Variants in TNS2 observed in about 807,000 individuals in gnomAD.
TNS2 encodes tensin-2.
A neutral mutation model predicts 155.7 loss-of-function variants in TNS2; 77 were observed. The ratio of observed to expected loss-of-function variants is 0.49; its 90% CI spans 0.41 to 0.60. The LOEUF is 0.60. Ranked by LOEUF, TNS2 falls within the 20% of genes least tolerant of loss-of-function variation. The pLI is 0.00. For missense variants in TNS2, 1,703 were observed against 1,868.8 expected (o/e 0.91, Z 1.64); for synonymous variants, 726 against 763.9 (o/e 0.95, Z 0.82).
In TNS2 at chr12:53,059,579, G is replaced by A. The variant is rs979391696; in HGVS notation, c.1938G>A (p.Ser646=). ...TGGAGAAGAGGCGCCTCTGCCGATCGCTGTCAGAGGGGCTATACCCCTACC... is the reference window on the plus strand; with the variant it reads ...TGGAGAAGAGGCGCCTCTGCCGATCACTGTCAGAGGGGCTATACCCCTACC... The part of the protein sequence containing the change: ...ASMEKRRLCR[S]LSEGLYPYPP... Residue 646 remains serine, a synonymous_variant, in exon 18 of 29, where the codon TCG becomes TCA. Transcript: ENST00000314250. This position sits in a 1 kb window ranked among gnomAD's most constrained non-coding sequence, Gnocchi z 4.7. 39 of 1,602,714 alleles carry A rather than the reference G, an allele frequency of 2.4e-5. 1 individual carries two copies. Among genetic ancestry groups the A allele is most frequent in the Non-Finnish European group, 3.1e-5 (37 of 1,174,976 alleles).
upstream of TNS2, among the ~76,000 whole-genome samples, chr12:53,048,033 G>GA (rs988500349): frequency 1.4e-4 from 21 of 152,236 alleles, no homozygotes; most frequent in Admixed American, 8.5e-4. Flanking sequence ...CCGGCTGGGG[G>GA]AGAGGTTGAC....
rs142183380 is a variant in TNS2 at position 53,059,119 on chromosome 12, C to T, written c.1478C>T (p.Thr493Ile). The T allele has an allele frequency of 1.9e-6, 3 of 1,547,668 alleles. No homozygotes were observed. The highest frequency in any genetic ancestry group is 2.6e-6 in the Non-Finnish European group (3 of 1,154,856). ...YAQVQRPPRQTPPAPSPEPPP... is the reference protein window; with the variant it reads ...YAQVQRPPRQIPPAPSPEPPP... ...CAGGTGCAGCGGCCTCCCCGGCAGA[C>T]CCCCCCGGCACCCTCTCCAGAGCCT... Residue 493 changes from threonine to isoleucine, a missense_variant, in exon 18 of 29, where the codon ACC becomes ATC. Transcript: ENST00000314250. The surrounding 1 kb of genome is among the most constrained non-coding windows in gnomAD (Gnocchi z 4.7).
Position 53,062,181 on chromosome 12 carries a change from T to C in TNS2, c.3603T>C (p.His1201=). The change falls in exon 23 of 29, where the codon CAT becomes CAC. Residue 1201 remains histidine (H), a synonymous_variant. Coordinates refer to ENST00000314250, the MANE Select transcript of TNS2 (RefSeq NM_170754.4). The stretch of plus-strand genomic sequence containing the variant: ...ACCCCGTGGAACAGCTGGTCCGCCA[T>C]TTCCTCATCGAGACTGGGCCCAAAG... The part of the protein sequence containing the change: ...KGDPVEQLVR[H]FLIETGPKGV... 6.2e-7 allele frequency: 1 copy of C among 1,614,090 alleles called. No homozygotes were observed. Among genetic ancestry groups the C allele is most frequent in the Non-Finnish European group, 8.5e-7 (1 of 1,179,980 alleles).
upstream of TNS2, chr12:53,049,806 T>G (rs1376931751): frequency 7.8e-6 from 2 of 256,710 alleles, no homozygotes; most frequent in Non-Finnish European, 1.5e-5. Flanking sequence ...CCACCGGGGG[T>G]GGGGGCAGAA....
chr12:53,058,678 T>C, intron 16 of TNS2, 36 bp from the exon 17 acceptor site: 1 of 1,613,724 alleles, frequency 6.2e-7, no homozygotes, highest in South Asian at 1.1e-5. Context: ...GGGCCGCCTC[T>C]CCCCTGCTCC....
chr12:53,060,461 C>T lies in TNS2; in HGVS notation c.2674C>T (p.Arg892Trp), dbSNP rs771164737. The change falls in exon 19 of 29, where the codon CGG becomes TGG. Residue 892 changes from arginine (R) to tryptophan (W), a missense_variant. Transcript: ENST00000314250. The surrounding 1 kb of genome is among the most constrained non-coding windows in gnomAD (Gnocchi z 6.1). ...CCCCAGTGGGCACAGCACACTGCCT[C>T]GGTCTCCCCGAGATGCCCCATGCAG... ...EGPSGHSTLP[R>W]SPRDAPCSAS... The T allele has an allele frequency of 4.6e-5, 74 of 1,613,594 alleles. No individual in the cohort carries two copies. Among genetic ancestry groups the T allele is most frequent in the Non-Finnish European group, 6.0e-5 (71 of 1,179,998 alleles).
In TNS2 at chr12:53,055,642, G is replaced by A. The variant is rs766919525; in HGVS notation, c.648G>A (p.Glu216=). The stretch of plus-strand genomic sequence containing the variant: ...TGTGCTCCATCTGCAAAGCCATGGA[G>A]ACATGGCTCAGTGCTGACCCACAGC... The part of the protein sequence containing the change: ...DKLCSICKAM[E]TWLSADPQHV... Residue 216 remains glutamate, a synonymous_variant, in exon 9 of 29, where the codon GAG becomes GAA. Transcript: ENST00000314250. The A allele has an allele frequency of 1.2e-6, 2 of 1,614,162 alleles. No homozygotes were observed. The highest frequency in any genetic ancestry group is 3.3e-5 in the Admixed American group (2 of 60,032).
chr12:53,054,545 G>T, intron 7 of TNS2, 104 bp downstream of exon 7: 1 of 1,346,414 alleles, frequency 7.4e-7, no homozygotes, highest in Non-Finnish European at 9.7e-7. Context: ...CCGCCAGGGG[G>T]CGGGACCAGA....
chr12:53,053,706 A>G lies in TNS2; in HGVS notation c.262-68A>G. 1.9e-6 allele frequency: 3 copies of G among 1,590,256 alleles called. No homozygotes were observed. The South Asian group carries it at 3.4e-5, about 18-fold the overall frequency. ...ACTGACATTCCCTTCCCCTGTCCCCAAGGCCCACATTGGTCCTTGCCCCTG... is the reference window on the plus strand; with the variant it reads ...ACTGACATTCCCTTCCCCTGTCCCCGAGGCCCACATTGGTCCTTGCCCCTG... On this transcript the variant is annotated intron_variant, in intron 4 of 28. Transcript: ENST00000314250.
intron 4 of TNS2, 56 bp from the exon 5 acceptor site, chr12:53,053,718 G>A (rs1944025286): frequency 6.3e-7 from 1 of 1,599,044 alleles, no homozygotes; most frequent in Non-Finnish European, 8.5e-7. Flanking sequence ...GGCCCACATT[G>A]GTCCTTGCCC....
chr12:53,062,933 A>T, intron 25 of TNS2, 156 bp from the exon 26 acceptor site: 1 of 1,082,568 alleles, frequency 9.2e-7, no homozygotes, highest in Non-Finnish European at 1.3e-6. Flanking sequence ...CTCGCTTCTG[A>T]CTGTAGATCC....
upstream of TNS2, chr12:53,049,104 G>A (rs751293110): frequency 8.3e-6 from 12 of 1,454,324 alleles, no homozygotes; most frequent in East Asian, 2.5e-5. Flanking sequence ...CTCCCAGGAC[G>A]GGAAGTTGGC....
upstream of TNS2, among the ~76,000 whole-genome samples, chr12:53,047,478 A>AGGGCGCGGGGCGCAGGGCGCG (rs1943766036): frequency 6.9e-6 from 1 of 144,404 alleles, no homozygotes. Context: ...GGAGGTCGAG[A>AGGGCGCGGGGCGCAGGGCGCG]GGGCGCGGGG....
At position 53,064,363 on chromosome 12, in the gene TNS2, A is replaced by G. The variant is rs541035420; in HGVS notation, c.*481A>G. ...TTTTGTCTAATAATAAAGAATTTCT[A>G]TAAACTTTAGCCGAAATTGGAGTCA... On this transcript the variant is annotated 3_prime_UTR_variant, in exon 29 of 29. Coordinates refer to ENST00000314250, the MANE Select transcript of TNS2 (RefSeq NM_170754.4). 4.2e-4 allele frequency: 66 copies of G among 156,780 alleles called. No homozygotes were observed. The highest frequency in any genetic ancestry group is 1.6e-3 in the African/African-American group (65 of 41,620). 9.7% of individuals were successfully genotyped at this position (156,780 alleles called of 1,614,324 possible). A position where few individuals can be genotyped will look rare whatever the true frequency, so the allele number is the denominator to read the frequency against.
At chr12:53,048,977 C>T (rs1943822905), upstream of TNS2, 3 of 532,234 alleles carry the variant, frequency 5.6e-6, no homozygotes, top group Non-Finnish European at 9.8e-6. Context: ...CAGCTATAGC[C>T]TGTCCCAGGG....
Position 53,059,648 on chromosome 12 carries a change from C to T in TNS2, c.2007C>T (p.Arg669=), listed in dbSNP as rs528369460. The change falls in exon 18 of 29, where the codon CGC becomes CGT. Residue 669 remains arginine (R), a synonymous_variant. Coordinates refer to ENST00000314250, the MANE Select transcript of TNS2 (RefSeq NM_170754.4). This position sits in a 1 kb window ranked among gnomAD's most constrained non-coding sequence, Gnocchi z 4.7. ...CAGCCACTGGGGACTTTGGCTACCG[C>T]GCCCCAGGCTACCGGGAGGTGGTCA... ...GKPATGDFGY[R]APGYREVVIL... 37 of 1,613,376 alleles carry T rather than the reference C, an allele frequency of 2.3e-5. No individual in the cohort carries two copies. The highest frequency in any genetic ancestry group is 8.9e-5 in the East Asian group (4 of 44,886).
intron 10 of TNS2, 122 bp downstream of exon 10, chr12:53,055,967 ACTTCCACCTCCCT>A: frequency 1.0e-6 from 1 of 988,520 alleles, no homozygotes; most frequent in African/African-American, 1.6e-5. Flanking sequence ...TCAGCTTAGC[ACTTCCACCTCCCT>A]TTTATCACTA....
chr12:53,047,286 G>C (rs867884528), upstream of TNS2, among the ~76,000 whole-genome samples: 229 of 145,712 alleles, frequency 1.6e-3, 1 homozygote, highest in African/African-American at 5.1e-3. Context: ...CGCTCGGCGC[G>C]GGCACGGGCG....
chr12:53,052,508 T>C lies in TNS2; in HGVS notation c.222+16T>C, dbSNP rs1322345659. The C allele has an allele frequency of 6.2e-7, 1 of 1,613,792 alleles. No homozygotes were observed. The highest frequency in any genetic ancestry group is 8.5e-7 in the Non-Finnish European group (1 of 1,179,810). ...TGAAGCAAAGGTGGGTATCTGATTC[T>C]ACCTGATAGGGGGAGAGGGTCTGGA... On this transcript the variant is annotated intron_variant, in intron 3 of 28. Transcript: ENST00000314250.
Sources: gnomAD v4.1 joint callset for allele counts (sites outside exome capture counted in the v4.1 genomes callset) on GRCh38, gnomAD v4.1.1 for gene constraint, Gnocchi (gnomAD v3.1) non-coding constraint, MANE v1.5 for transcripts, NCBI Gene and HGNC (gene_info 2026-07-23, HGNC 2026-07-21) for gene names.